Variants in TESK2 observed in about 807,000 individuals in gnomAD.
TESK2 encodes dual specificity testis-specific protein kinase 2.
In TESK2, 39 loss-of-function variants were observed where a neutral mutation model predicts 57.1. That is an observed-to-expected ratio of 0.68 (90% CI 0.53 to 0.89). TESK2 has a LOEUF of 0.89. Among genes scored for constraint, TESK2 ranks in the 40% least tolerant of loss-of-function variants. TESK2 has a pLI of 0.00. For synonymous variants in TESK2, 249 were observed against 267.9 expected, an observed-to-expected ratio of 0.93 and a Z score of 0.69; for missense variants, 646 against 732.1, an observed-to-expected ratio of 0.88 and a Z score of 1.36.
chr1:45,468,154 C>T (rs1424224367), intron 1 of TESK2, among the ~76,000 whole-genome samples: 2 of 142,722 alleles, frequency 1.4e-5, no homozygotes, highest in African/African-American at 2.6e-5. Context: ...CCAGCCTGGG[C>T]AATAGAGCAA....
In TESK2 at chr1:45,476,118, T is replaced by A. The variant is rs529807143; in HGVS notation, c.-87+14734A>T. ...AAACTCCCTTTCATATATACATATA[T>A]CCTATTAGTTCTGTCCCTCTAGAGA... is the stretch of plus-strand genomic sequence containing the variant. On this transcript the variant is annotated intron_variant, in intron 1 of 10. Coordinates refer to ENST00000372086, the MANE Select transcript of TESK2 (RefSeq NM_007170.3). Among the ~76,000 whole-genome samples, 3 of 152,318 alleles carry A rather than the reference T, an allele frequency of 2.0e-5. No individual in the cohort carries two copies. In the East Asian group the frequency reaches 5.8e-4, roughly 29 times the overall value.
intron 3 of TESK2, among the ~76,000 whole-genome samples, chr1:45,402,182 G>A (rs1649652336): frequency 6.6e-6 from 1 of 151,282 alleles, no homozygotes; most frequent in Non-Finnish European, 1.5e-5. Context: ...TTGAGGCCAG[G>A]AGTTCAGGAC....
intron 4 of TESK2, among the ~76,000 whole-genome samples, chr1:45,369,715 T>C (rs118083851): frequency 4.0e-5 from 6 of 151,412 alleles, no homozygotes; most frequent in Non-Finnish European, 7.4e-5. Context: ...AGATAATTTT[T>C]CTTTTTTTTT....
At position 45,344,742 on chromosome 1, in the gene TESK2, T is replaced by C; in HGVS notation, c.*98A>G. 8.2e-7 allele frequency: 1 copy of C among 1,218,354 alleles called. No homozygotes were observed. The highest frequency in any genetic ancestry group is 1.2e-6 in the Non-Finnish European group (1 of 869,224). The allele number at this position is 1,218,354 out of a possible 1,614,324, so 75.5% of individuals were successfully genotyped here. A position where few individuals can be genotyped will look rare whatever the true frequency, so the allele number is the denominator to read the frequency against. ...GCCTGGCTTGGCCTAGCCTGCCTGC[T>C]CTGTAGGCTCCAGGGAAGAATCAAG... is the stretch of plus-strand genomic sequence containing the variant. On this transcript the variant is annotated 3_prime_UTR_variant, in exon 11 of 11. Coordinates refer to ENST00000372086, the MANE Select transcript of TESK2 (RefSeq NM_007170.3).
At chr1:45,381,926 C>A (rs1648671467) in intron 4 of TESK2, among the ~76,000 whole-genome samples, 1 of 136,940 alleles carries the variant, frequency 7.3e-6, no homozygotes, top group Non-Finnish European at 1.5e-5. Context: ...TGCAGTGGTA[C>A]AATCATGGCT....
chr1:45,488,950 C>T (rs1195207273), intron 1 of TESK2, among the ~76,000 whole-genome samples: 3 of 152,068 alleles, frequency 2.0e-5, no homozygotes, highest in Admixed American at 6.6e-5. Flanking sequence ...TAGCTTTGAG[C>T]TCAGGAGTTC....
At chr1:45,371,995 T>C (rs543183199) in intron 4 of TESK2, among the ~76,000 whole-genome samples, 13 of 152,216 alleles carry the variant, frequency 8.5e-5, no homozygotes, top group Admixed American at 2.6e-4. Flanking sequence ...CTCACTTCTA[T>C]ACTCCCAGCA....
At chr1:45,449,620 T>C (rs906815888) in intron 2 of TESK2, among the ~76,000 whole-genome samples, 1 of 152,170 alleles carries the variant, frequency 6.6e-6, no homozygotes, top group Non-Finnish European at 1.5e-5. Flanking sequence ...TTTCTTGAGA[T>C]TGCTACATTA....
intron 2 of TESK2, among the ~76,000 whole-genome samples, chr1:45,444,737 G>A (rs565874544): frequency 3.3e-5 from 5 of 152,228 alleles, no homozygotes; most frequent in East Asian, 1.9e-4. Flanking sequence ...ATCTAACATC[G>A]CTGACTCCAT....
intron 3 of TESK2, among the ~76,000 whole-genome samples, chr1:45,406,928 C>T (rs147473740): frequency 3.9e-5 from 6 of 152,300 alleles, no homozygotes; most frequent in African/African-American, 7.2e-5. Flanking sequence ...ATCTAGCTAA[C>T]ATACACTGCC....
chr1:45,376,983 G>A (rs1000615216), intron 4 of TESK2, among the ~76,000 whole-genome samples: 1 of 152,310 alleles, frequency 6.6e-6, no homozygotes, highest in Non-Finnish European at 1.5e-5. Context: ...ACTCTGGGAG[G>A]CCCAGGTGGG....
At chr1:45,354,651 T>C (rs1365107613) in intron 5 of TESK2, among the ~76,000 whole-genome samples, 1 of 149,926 alleles carries the variant, frequency 6.7e-6, no homozygotes, top group African/African-American at 2.5e-5. Context: ...CAGCCAGGCA[T>C]GGTGGTGTAC....
At chr1:45,460,425 CAGG>C (rs1652287473) in intron 1 of TESK2, among the ~76,000 whole-genome samples, 1 of 152,082 alleles carries the variant, frequency 6.6e-6, no homozygotes, top group African/African-American at 2.4e-5. Flanking sequence ...GAAGCTGAGG[CAGG>C]AGAATAGCTT....
chr1:45,434,594 C>T (rs962470159), intron 2 of TESK2, among the ~76,000 whole-genome samples: 6 of 151,510 alleles, frequency 4.0e-5, no homozygotes, highest in East Asian at 1.9e-4. Context: ...GAGCATTTTT[C>T]GTATACCTGT....
chr1:45,386,662 GC>G (rs1171243231), intron 3 of TESK2, among the ~76,000 whole-genome samples: 2 of 151,652 alleles, frequency 1.3e-5, no homozygotes, highest in Non-Finnish European at 2.9e-5. Flanking sequence ...TGGTTTTGTT[GC>G]TTTTTTTTTG....
chr1:45,414,943 T>G, intron 3 of TESK2: 1 of 511,966 alleles, frequency 2.0e-6, no homozygotes. Flanking sequence ...CAACAAGTGT[T>G]TAGTGAGTAA....
At chr1:45,439,129 C>T (rs1651343031) in intron 2 of TESK2, among the ~76,000 whole-genome samples, 1 of 152,044 alleles carries the variant, frequency 6.6e-6, no homozygotes, top group Non-Finnish European at 1.5e-5. Flanking sequence ...TAAAATATCC[C>T]AAAATAACAT....
At chr1:45,355,020 C>T (rs1455257493) in intron 5 of TESK2, among the ~76,000 whole-genome samples, 3 of 151,378 alleles carry the variant, frequency 2.0e-5, no homozygotes, top group Non-Finnish European at 2.9e-5. Flanking sequence ...TCTGCCTCTA[C>T]TAAAAATTAG....
Position 45,420,564 on chromosome 1 carries a change from ATTTTTTT to A in TESK2, c.344+1154_344+1160del, listed in dbSNP as rs200053502. ...GAGCCATCATGCCTGGCCAAATAAA[ATTTTTTT>A]TTTTTTTTTTTTTTGAGACGGAGTC... On this transcript the variant is annotated intron_variant, in intron 3 of 10. Transcript: ENST00000372086. Among the ~76,000 whole-genome samples the A allele has an allele frequency of 3.8e-3, 474 of 125,740 alleles. 7 individuals are homozygous for A. The highest frequency in any genetic ancestry group is 0.034 in the East Asian group (149 of 4,320). The allele number at this position is 125,740 out of a possible 152,430, so 82.5% of individuals were successfully genotyped here.
Sources: allele counts gnomAD v4.1 joint callset (sites outside exome capture counted in the v4.1 genomes callset), GRCh38; gene constraint gnomAD v4.1.1; transcripts MANE v1.5; gene names NCBI Gene and HGNC (gene_info 2026-07-23, HGNC 2026-07-21).